Variants in UBE2E3 observed in about 807,000 individuals in gnomAD.
UBE2E3 encodes the protein ubiquitin conjugating enzyme E2 E3, also known as ubiquitin-conjugating enzyme E2 E3.
UBE2E3 carries 5 observed loss-of-function variants against 23.6 expected under a neutral mutation model. The ratio of observed to expected loss-of-function variants is 0.21; its 90% CI spans 0.11 to 0.44. The LOEUF is 0.44. Ranked by LOEUF, UBE2E3 falls within the 20% of genes least tolerant of loss-of-function variation. UBE2E3 has a pLI of 0.99. For missense variants in UBE2E3, 81 were observed against 249.8 expected (o/e 0.32, Z 4.55); for synonymous variants, 78 against 87.5 (o/e 0.89, Z 0.60).
chr2:181,006,207 C>T (rs1487262466), intron 3 of UBE2E3, among the ~76,000 whole-genome samples: 2 of 152,060 alleles, frequency 1.3e-5, no homozygotes, highest in Non-Finnish European at 2.9e-5. Context: ...ACAGTGAGAG[C>T]TAGAATTGAG....
chr2:181,026,780 A>T (rs1685901470), intron 3 of UBE2E3, among the ~76,000 whole-genome samples: 1 of 151,898 alleles, frequency 6.6e-6, no homozygotes, highest in Non-Finnish European at 1.5e-5. Context: ...TACTTAATTT[A>T]CACATGCTAA....
intron 3 of UBE2E3, among the ~76,000 whole-genome samples, chr2:181,018,711 C>A (rs184040853): frequency 6.6e-6 from 1 of 151,166 alleles, no homozygotes; most frequent in Non-Finnish European, 1.5e-5. Flanking sequence ...CTCCAGGACT[C>A]TTCATCTTTG....
At chr2:180,990,241 G>A (rs1040829542) in intron 3 of UBE2E3, among the ~76,000 whole-genome samples, 1 of 152,186 alleles carries the variant, frequency 6.6e-6, no homozygotes, top group African/African-American at 2.4e-5. Context: ...TGAAGGAGAA[G>A]GGGGCTACCA....
chr2:180,995,681 T>G (rs1684803733), intron 3 of UBE2E3, among the ~76,000 whole-genome samples: 2 of 152,084 alleles, frequency 1.3e-5, no homozygotes, highest in African/African-American at 4.8e-5. Flanking sequence ...TTCTTCATCC[T>G]TAGTGTTTCT....
At chr2:180,996,638 C>A (rs948226554) in intron 3 of UBE2E3, among the ~76,000 whole-genome samples, 3 of 151,840 alleles carry the variant, frequency 2.0e-5, no homozygotes, top group South Asian at 2.1e-4. Context: ...CTCTTCCCCC[C>A]CATTTCCAGG....
chr2:180,994,754 C>T (rs1206396436), intron 3 of UBE2E3, among the ~76,000 whole-genome samples: 2 of 151,836 alleles, frequency 1.3e-5, no homozygotes, highest in Non-Finnish European at 2.9e-5. Context: ...ATGGTGTAGC[C>T]TAGAAATAGT....
chr2:181,040,338 A>G (rs1443466653), intron 3 of UBE2E3, among the ~76,000 whole-genome samples: 1 of 152,244 alleles, frequency 6.6e-6, no homozygotes, highest in Admixed American at 6.5e-5. Flanking sequence ...GCCTTTTCAT[A>G]ACAATAAATT....
At chr2:181,042,702 A>T (rs1294911161) in intron 3 of UBE2E3, among the ~76,000 whole-genome samples, 1 of 152,212 alleles carries the variant, frequency 6.6e-6, no homozygotes, top group Non-Finnish European at 1.5e-5. Flanking sequence ...ATACTAAATG[A>T]TATCTAAAGA....
chr2:180,999,879 AATG>A (rs1190663800), intron 3 of UBE2E3, among the ~76,000 whole-genome samples: 1 of 151,804 alleles, frequency 6.6e-6, no homozygotes, highest in East Asian at 1.9e-4. Context: ...TTTTACATAT[AATG>A]ATATAAAAAG....
chr2:180,981,893 A>G (rs1311216618), intron 1 of UBE2E3, 125 bp from the exon 2 acceptor site: 2 of 697,082 alleles, frequency 2.9e-6, no homozygotes, highest in African/African-American at 1.8e-5. Flanking sequence ...GTACGATGAA[A>G]TAAGTGTGAA....
intron 3 of UBE2E3, among the ~76,000 whole-genome samples, chr2:181,014,427 A>G (rs1473012746): frequency 6.6e-6 from 1 of 152,176 alleles, no homozygotes; most frequent in African/African-American, 2.4e-5. Context: ...AGGTGAGTGT[A>G]AACGGAGAGG....
chr2:181,033,729 C>G (rs1415414905), intron 3 of UBE2E3, among the ~76,000 whole-genome samples: 1 of 152,172 alleles, frequency 6.6e-6, no homozygotes, highest in Admixed American at 6.5e-5. Context: ...AAACTACCAT[C>G]AGAGTGAACA....
At chr2:180,981,969 T>G in intron 1 of UBE2E3, 49 bp from the exon 2 acceptor site, 1 of 1,360,670 alleles carries the variant, frequency 7.3e-7, no homozygotes, top group Non-Finnish European at 1.0e-6. Context: ...GTTGGTTTAT[T>G]TCCTAGATTT....
chr2:180,981,871 CG>C lies in UBE2E3; in HGVS notation c.-25-146del. The C allele has an allele frequency of 4.3e-6, 2 of 464,200 alleles. 1 individual carries two copies. Among genetic ancestry groups the C allele is most frequent in the Non-Finnish European group, 7.5e-6 (2 of 265,842 alleles). 28.8% of individuals were successfully genotyped at this position (464,200 alleles called of 1,614,324 possible). A position where few individuals can be genotyped will look rare whatever the true frequency, so the allele number is the denominator to read the frequency against. ...TGTGTGACACATCACCTCCCTTGTA[CG>C]TACCCCTGTTGTACGATGAAATAAG... On this transcript the variant is annotated intron_variant, in intron 1 of 5. Coordinates refer to ENST00000410062, the MANE Select transcript of UBE2E3 (RefSeq NM_006357.4).
At chr2:180,996,323 T>C (rs1472561961) in intron 3 of UBE2E3, among the ~76,000 whole-genome samples, 3 of 152,194 alleles carry the variant, frequency 2.0e-5, no homozygotes, top group African/African-American at 7.2e-5. Flanking sequence ...GATAATTAAG[T>C]CTTGGCATTA....
chr2:180,997,641 G>T (rs188386722), intron 3 of UBE2E3, among the ~76,000 whole-genome samples: 1 of 152,114 alleles, frequency 6.6e-6, no homozygotes, highest in African/African-American at 2.4e-5. Context: ...AAAAGTACCT[G>T]CATTTAGCTC....
chr2:181,034,211 T>C (rs1489255455), intron 3 of UBE2E3, among the ~76,000 whole-genome samples: 1 of 152,190 alleles, frequency 6.6e-6, no homozygotes, highest in African/African-American at 2.4e-5. Context: ...CATGCTGCTA[T>C]AAAGACACAT....
At chr2:180,982,365 TG>T (rs1684324580) in intron 2 of UBE2E3, 129 bp downstream of exon 2, 1 of 832,608 alleles carries the variant, frequency 1.2e-6, no homozygotes, top group Non-Finnish European at 1.9e-6. Context: ...TAATTGTACT[TG>T]AATGAGTTGT....
In UBE2E3 at chr2:181,025,743, A is replaced by G. The variant is rs1033731246; in HGVS notation, c.246-31950A>G. 3.9e-5 allele frequency among the ~76,000 whole-genome samples: 6 copies of G among 151,968 alleles called. No individual in the cohort carries two copies. The East Asian group carries it at 1.2e-3, about 29-fold the overall frequency. ...TATATTAGCAGTGAAGAATCATTTC[A>G]GTGACAATTTGTTAGTCTTCAAAGA... On this transcript the variant is annotated intron_variant, in intron 3 of 5. Coordinates refer to ENST00000410062, the MANE Select transcript of UBE2E3 (RefSeq NM_006357.4).
Sources: allele counts gnomAD v4.1 joint callset (sites outside exome capture counted in the v4.1 genomes callset), GRCh38; gene constraint gnomAD v4.1.1; transcripts MANE v1.5; gene names NCBI Gene and HGNC (gene_info 2026-07-23, HGNC 2026-07-21).